XPO7: variants seen among roughly 807,000 people sequenced by gnomAD.
The protein encoded by XPO7 is exportin-7.
In XPO7, 21 loss-of-function variants were observed where a neutral mutation model predicts 144.3. The observed-to-expected ratio is 0.15, with a 90% confidence interval of 0.10 to 0.21. The LOEUF is 0.21. Ranked by LOEUF, XPO7 falls within the 10% of genes least tolerant of loss-of-function variation. XPO7 has a pLI of 1.00. For missense variants in XPO7, 808 were observed against 1,325.8 expected (o/e 0.61, Z 6.06); for synonymous variants, 580 against 499.6 (o/e 1.16, Z -2.15).
At chr8:21,960,230 C>T (rs1013475877) in intron 1 of XPO7, among the ~76,000 whole-genome samples, 3 of 152,200 alleles carry the variant, frequency 2.0e-5, no homozygotes, top group Admixed American at 6.5e-5. Context: ...ATATTGCCAG[C>T]TGTGTCACTT....
At chr8:21,981,997 C>A in intron 10 of XPO7, 120 bp downstream of exon 10, 3 of 1,312,386 alleles carry the variant, frequency 2.3e-6, no homozygotes, top group South Asian at 1.4e-5. Context: ...TCCAGTATAG[C>A]CCTACAGAGT....
At chr8:21,957,350 A>G (rs1380350537) in intron 1 of XPO7, among the ~76,000 whole-genome samples, 1 of 151,910 alleles carries the variant, frequency 6.6e-6, no homozygotes, top group Non-Finnish European at 1.5e-5. Flanking sequence ...AGATACTTTC[A>G]CCCTGTTTCT....
intron 1 of XPO7, chr8:21,964,145 C>G (rs866708628): frequency 1.3e-5 from 2 of 152,118 alleles, no homozygotes; most frequent in Non-Finnish European, 2.9e-5. Flanking sequence ...CTTTTCTATT[C>G]CAGCGAGACA....
chr8:21,956,136 C>T (rs1811527501), intron 1 of XPO7, among the ~76,000 whole-genome samples: 1 of 152,166 alleles, frequency 6.6e-6, no homozygotes, highest in East Asian at 1.9e-4. Context: ...GCCTTACACC[C>T]CCAAAGATAA....
chr8:21,939,864 T>G (rs1311456995), intron 1 of XPO7, among the ~76,000 whole-genome samples: 2 of 152,234 alleles, frequency 1.3e-5, no homozygotes, highest in African/African-American at 2.4e-5. Flanking sequence ...CAAATGTAAT[T>G]AGCAAACATT....
At chr8:21,951,053 AT>A (rs1811353979) in intron 1 of XPO7, among the ~76,000 whole-genome samples, 1 of 152,070 alleles carries the variant, frequency 6.6e-6, no homozygotes, top group Admixed American at 6.6e-5. Flanking sequence ...CCGAGGTCAC[AT>A]CGCTGTACTC....
At chr8:21,999,698 G>T in intron 24 of XPO7, 24 bp downstream of exon 24, 1 of 1,613,328 alleles carries the variant, frequency 6.2e-7, no homozygotes, top group Non-Finnish European at 8.5e-7. Context: ...GTGGGTGGGT[G>T]AGTTGGTGGG....
In XPO7 at chr8:21,925,215, G is replaced by C. The variant is rs185931116; in HGVS notation, c.18+5427G>C. Among the ~76,000 whole-genome samples, 75 of 152,308 alleles carry C rather than the reference G, an allele frequency of 4.9e-4. 1 individual carries two copies. Among genetic ancestry groups the C allele is most frequent in the Admixed American group, 4.4e-3 (67 of 15,300 alleles). ...GGAGGCATATCAAAATCTTGGGGGA[G>C]GGAGAGAGTTGTAAAAAACCTAGAT... On this transcript the variant is annotated intron_variant, in intron 1 of 27. Transcript: ENST00000252512.
chr8:21,981,024 T>G (rs1812392730), intron 9 of XPO7, among the ~76,000 whole-genome samples: 1 of 152,124 alleles, frequency 6.6e-6, no homozygotes, highest in Admixed American at 6.5e-5. Context: ...TATACTCAGT[T>G]TTGTCCCTCT....
intron 1 of XPO7, among the ~76,000 whole-genome samples, chr8:21,924,524 G>T (rs1393483955): frequency 6.6e-6 from 1 of 151,678 alleles, no homozygotes; most frequent in Admixed American, 6.6e-5. Flanking sequence ...TGAGTAACCT[G>T]AGAGTTTTAG....
At chr8:21,987,052 G>A (rs750155063) in intron 13 of XPO7, 89 bp from the exon 14 acceptor site, 208 of 1,571,684 alleles carry the variant, frequency 1.3e-4, no homozygotes, top group Admixed American at 3.1e-4. Flanking sequence ...CCAAGTACAG[G>A]CATATACGAC....
chr8:22,000,425 C>T (rs974994293), intron 24 of XPO7, among the ~76,000 whole-genome samples: 1 of 150,798 alleles, frequency 6.6e-6, no homozygotes, highest in African/African-American at 2.4e-5. Context: ...TTCTGTCAAC[C>T]ATTTTGTTTC....
intron 1 of XPO7, among the ~76,000 whole-genome samples, chr8:21,920,828 A>G (rs534185699): frequency 2.9e-3 from 445 of 152,346 alleles, no homozygotes; most frequent in Non-Finnish European, 5.0e-3. Context: ...GAAAGATTAG[A>G]GGGCAAGAAG....
intron 1 of XPO7, among the ~76,000 whole-genome samples, chr8:21,953,730 G>C (rs1811447569): frequency 6.6e-6 from 1 of 152,152 alleles, no homozygotes; most frequent in South Asian, 2.1e-4. Context: ...GTATCTCACT[G>C]TTACTTTAAT....
At chr8:21,976,969 A>G (rs577500680) in intron 7 of XPO7, among the ~76,000 whole-genome samples, 4 of 152,270 alleles carry the variant, frequency 2.6e-5, no homozygotes, top group African/African-American at 9.6e-5. Flanking sequence ...AGTAACATCT[A>G]TTTTATAATG....
chr8:21,988,272 T>C (rs1459535210), intron 15 of XPO7: 1 of 183,636 alleles, frequency 5.4e-6, no homozygotes, highest in African/African-American at 2.4e-5. Context: ...CACTTAAAAA[T>C]GGGCTTATTC....
chr8:21,934,075 T>C (rs1554511149), intron 1 of XPO7, among the ~76,000 whole-genome samples: 1 of 152,234 alleles, frequency 6.6e-6, no homozygotes, highest in Non-Finnish European at 1.5e-5. Flanking sequence ...CTGTGCTACA[T>C]AGTAGAGATA....
At chr8:21,979,327 G>A (rs921656323) in intron 8 of XPO7, among the ~76,000 whole-genome samples, 3 of 151,916 alleles carry the variant, frequency 2.0e-5, no homozygotes, top group African/African-American at 7.3e-5. Context: ...TTACGGGCGT[G>A]AGCCACCACA....
Position 22,003,900 on chromosome 8 carries a change from C to T in XPO7, c.3043-3C>T. 6.2e-7 allele frequency: 1 copy of T among 1,613,842 alleles called. No homozygotes were observed. The highest frequency in any genetic ancestry group is 1.3e-5 in the African/African-American group (1 of 75,006). The stretch of plus-strand genomic sequence containing the variant: ...ACCTTCTGTTCCACTCCTTGCCCCA[C>T]AGTATTTTTCTGACCTAAGAAACAG... On this transcript the variant is annotated splice_region_variant and splice_polypyrimidine_tract_variant and intron_variant, in intron 26 of 27. Coordinates refer to ENST00000252512, the MANE Select transcript of XPO7 (RefSeq NM_015024.5).
Sources: gnomAD v4.1 joint callset for allele counts (sites outside exome capture counted in the v4.1 genomes callset) on GRCh38, gnomAD v4.1.1 for gene constraint, MANE v1.5 for transcripts, NCBI Gene and HGNC (gene_info 2026-07-23, HGNC 2026-07-21) for gene names.